The following PDE4B variants were observed in gnomAD, a reference collection of about 807,000 sequenced individuals.
The protein encoded by PDE4B is 3',5'-cyclic-AMP phosphodiesterase 4B.
In PDE4B, 20 loss-of-function variants were observed where a neutral mutation model predicts 82.2. The ratio of observed to expected loss-of-function variants is 0.24; its 90% CI spans 0.17 to 0.35. The LOEUF is 0.35. Among genes scored for constraint, PDE4B ranks in the 10% least tolerant of loss-of-function variants. The probability of loss-of-function intolerance (pLI) is 1.00; values close to 1 mark genes in which losing one functional copy is unlikely to be tolerated. For synonymous variants in PDE4B, 320 were observed against 318.9 expected (o/e 1.00, Z -0.04); for missense variants, 655 against 907.2 (o/e 0.72, Z 3.57).
At chr1:65,805,028 G>A (rs1557755917) in intron 1 of PDE4B, among the ~76,000 whole-genome samples, 1 of 151,634 alleles carries the variant, frequency 6.6e-6, no homozygotes, top group Non-Finnish European at 1.5e-5. Context: ...GCAGTGGTAC[G>A]ATCTCGGCTC....
chr1:66,047,193 T>C lies in PDE4B; in HGVS notation c.281+128358T>C, dbSNP rs12080263. Among the ~76,000 whole-genome samples, 1,105 of 151,966 alleles carry C rather than the reference T, an allele frequency of 7.3e-3. 17 individuals carry two copies. The highest frequency in any genetic ancestry group is 0.025 in the African/African-American group (1,028 of 41,520). On this transcript the variant is annotated intron_variant, in intron 3 of 16. Transcript: ENST00000341517. ...AGAGACAGCCCAGCATAGGGATTAATGCAGGAACCATGGAGTTTGACTGAT... is the reference window on the plus strand; with the variant it reads ...AGAGACAGCCCAGCATAGGGATTAACGCAGGAACCATGGAGTTTGACTGAT...
chr1:66,026,688 G>C (rs901710668), intron 3 of PDE4B, among the ~76,000 whole-genome samples: 7 of 151,822 alleles, frequency 4.6e-5, no homozygotes. Flanking sequence ...AATGTGCCTG[G>C]TATATAGTGT....
At chr1:66,337,717 G>C (rs1383432112) in intron 8 of PDE4B, among the ~76,000 whole-genome samples, 1 of 152,202 alleles carries the variant, frequency 6.6e-6, no homozygotes. Context: ...TAGACTTACA[G>C]TGTGTGGCCC....
At chr1:66,140,093 C>T (rs765486976) in intron 3 of PDE4B, among the ~76,000 whole-genome samples, 3 of 152,162 alleles carry the variant, frequency 2.0e-5, no homozygotes, top group African/African-American at 4.8e-5. Flanking sequence ...GAGCAGTAAA[C>T]GCCTTGAAAA....
At chr1:66,336,036 C>T (rs975288925) in intron 8 of PDE4B, among the ~76,000 whole-genome samples, 1 of 152,152 alleles carries the variant, frequency 6.6e-6, no homozygotes, top group Non-Finnish European at 1.5e-5. Flanking sequence ...GAAAGAGAAA[C>T]AGTATAGAAA....
At chr1:66,135,047 T>A (rs969201401) in intron 3 of PDE4B, among the ~76,000 whole-genome samples, 6 of 152,150 alleles carry the variant, frequency 3.9e-5, no homozygotes, top group African/African-American at 1.2e-4. Flanking sequence ...AATTTGGTGG[T>A]ATGAGGTAGA....
intron 7 of PDE4B, among the ~76,000 whole-genome samples, chr1:66,318,000 C>A (rs1468115414): frequency 1.3e-5 from 2 of 152,144 alleles, no homozygotes; most frequent in Admixed American, 1.3e-4. Flanking sequence ...GTGGTTATTG[C>A]CAAACCTGGC....
At chr1:65,910,930 C>CT (rs1415665188) in intron 1 of PDE4B, among the ~76,000 whole-genome samples, 2 of 152,106 alleles carry the variant, frequency 1.3e-5, no homozygotes, top group African/African-American at 4.8e-5. Flanking sequence ...ATCTATATTT[C>CT]TTGCTTTTTT....
At chr1:66,214,017 A>G (rs1301599763) in intron 3 of PDE4B, among the ~76,000 whole-genome samples, 2 of 152,202 alleles carry the variant, frequency 1.3e-5, no homozygotes, top group East Asian at 1.9e-4. Context: ...AGGTGCCTAC[A>G]GTAAAAAATA....
chr1:66,239,806 T>C (rs2101654060), intron 3 of PDE4B, among the ~76,000 whole-genome samples: 1 of 152,358 alleles, frequency 6.6e-6, no homozygotes, highest in East Asian at 1.9e-4. Context: ...GTTGATATTC[T>C]TTTTTCATTG....
chr1:66,241,195 G>A (rs1252543238), intron 3 of PDE4B, among the ~76,000 whole-genome samples: 1 of 152,244 alleles, frequency 6.6e-6, no homozygotes, highest in Non-Finnish European at 1.5e-5. Context: ...ATATTCTGCT[G>A]TAGCTGTGGC....
At chr1:66,342,000 A>G (rs780766210) in intron 8 of PDE4B, among the ~76,000 whole-genome samples, 14 of 152,250 alleles carry the variant, frequency 9.2e-5, no homozygotes, top group South Asian at 2.1e-4. Flanking sequence ...TCTAATTCAC[A>G]GCATATAGAG....
chr1:66,090,647 G>GTA (rs1557553437), intron 3 of PDE4B, among the ~76,000 whole-genome samples: 2 of 68,132 alleles, frequency 2.9e-5, no homozygotes, highest in South Asian at 1.5e-3. Flanking sequence ...GTGTATGTAC[G>GTA]TATATATATG....
intron 3 of PDE4B, among the ~76,000 whole-genome samples, chr1:66,084,719 C>CT (rs1184557917): frequency 6.6e-6 from 1 of 151,990 alleles, no homozygotes; most frequent in Non-Finnish European, 1.5e-5. Context: ...TGCTTTTAGT[C>CT]TTTTTTCAGG....
At chr1:65,868,845 A>G (rs560630160) in intron 1 of PDE4B, among the ~76,000 whole-genome samples, 1 of 152,306 alleles carries the variant, frequency 6.6e-6, no homozygotes, top group Non-Finnish European at 1.5e-5. Context: ...CGAGGGATCT[A>G]GGTTGCACAC....
At chr1:66,233,376 C>T (rs1289158874) in intron 3 of PDE4B, among the ~76,000 whole-genome samples, 1 of 152,116 alleles carries the variant, frequency 6.6e-6, no homozygotes, top group African/African-American at 2.4e-5. Context: ...TTTATCCATT[C>T]ACCTGTTACA....
chr1:65,813,820 G>A (rs1030686622), intron 1 of PDE4B, among the ~76,000 whole-genome samples: 2 of 149,438 alleles, frequency 1.3e-5, no homozygotes, highest in Non-Finnish European at 3.0e-5. Context: ...AAGCTATGGG[G>A]TTAGAAATAC....
At chr1:66,121,848 T>A (rs1408270436) in intron 3 of PDE4B, among the ~76,000 whole-genome samples, 1 of 152,198 alleles carries the variant, frequency 6.6e-6, no homozygotes, top group Non-Finnish European at 1.5e-5. Context: ...GAAAACTTAT[T>A]TGTCATTTTG....
At chr1:66,257,921 A>G (rs1654372677) in intron 6 of PDE4B, 58 bp downstream of exon 6, 1 of 1,120,094 alleles carries the variant, frequency 8.9e-7, no homozygotes, top group Admixed American at 1.8e-5. Context: ...AAAAATATTG[A>G]GCAGCATTTA....
Sources: gnomAD v4.1 joint callset for allele counts (sites outside exome capture counted in the v4.1 genomes callset) on GRCh38, gnomAD v4.1.1 for gene constraint, MANE v1.5 for transcripts, NCBI Gene and HGNC (gene_info 2026-07-23, HGNC 2026-07-21) for gene names.